Variants in DOK7 observed in about 807,000 individuals in gnomAD.
DOK7 encodes the protein docking protein 7.
In DOK7, 32 loss-of-function variants were observed where a neutral mutation model predicts 30.7. The observed-to-expected ratio is 1.04, with a 90% CI of 0.79 to 1.40. The LOEUF (loss-of-function observed/expected upper bound fraction) is 1.40, where lower values mean the gene tolerates loss of function less well. Among genes scored for constraint, DOK7 ranks in the 40% most tolerant of loss-of-function variants. The pLI, the probability that DOK7 is intolerant of heterozygous loss-of-function variation, is 0.00. For synonymous variants in DOK7, 447 were observed against 324.1 expected (o/e 1.38, Z -4.07); for missense variants, 1,007 against 699.2 (o/e 1.44, Z -4.97).
At chr4:3,474,087 T>A (rs1004217084) in intron 3 of DOK7, among the ~76,000 whole-genome samples, 2 of 152,008 alleles carry the variant, frequency 1.3e-5, no homozygotes, top group Non-Finnish European at 2.9e-5. Context: ...AGTGCTCCCC[T>A]GTGGAACTGG....
chr4:3,490,113 T>TTCATTCCTTTCTTCACCCCC (rs1560225753), intron 6 of DOK7, among the ~76,000 whole-genome samples: 5 of 48,154 alleles, frequency 1.0e-4, no homozygotes, highest in African/African-American at 4.0e-4. Context: ...TTCACCCCCA[T>TTCATTCCTTTCTTCACCCCC]TCATTCCTTT....
chr4:3,493,600 T>C lies in DOK7; in HGVS notation c.*99T>C. 2 of 1,532,686 alleles carry C rather than the reference T, an allele frequency of 1.3e-6. No homozygotes were observed. The highest frequency in any genetic ancestry group is 1.8e-6 in the Non-Finnish European group (2 of 1,137,476). 94.9% of individuals were successfully genotyped at this position (1,532,686 alleles called of 1,614,324 possible). On this transcript the variant is annotated 3_prime_UTR_variant, in exon 7 of 7. Coordinates refer to ENST00000340083, the MANE Select transcript of DOK7 (RefSeq NM_173660.5). ...CTCCTTGCAGACTGGTGCTCTGTGT[T>C]CTGTGGGAGGGACCGGGGGTCTCCC...
chr4:3,493,996 C>T lies in DOK7; in HGVS notation c.*495C>T. The T allele has an allele frequency of 1.0e-6, 1 of 973,072 alleles. No individual in the cohort carries two copies. Among genetic ancestry groups the T allele is most frequent in the Non-Finnish European group, 1.2e-6 (1 of 828,582 alleles). The allele number at this position is 973,072 out of a possible 1,614,324, so 60.3% of individuals were successfully genotyped here. The stretch of plus-strand genomic sequence containing the variant: ...CACCTGGGCTCCACCAGCCCAGCCC[C>T]CCTGGGCTCCGTGTGCGCTGGGCCT... On this transcript the variant is annotated 3_prime_UTR_variant, in exon 7 of 7. Transcript: ENST00000340083.
intron 4 of DOK7, among the ~76,000 whole-genome samples, chr4:3,480,137 C>G (rs923196303): frequency 1.3e-5 from 2 of 152,148 alleles, no homozygotes; most frequent in African/African-American, 4.8e-5. Flanking sequence ...GCTTTGGAGG[C>G]GCAGGGGGAC....
chr4:3,496,575 G>T (rs528504249), downstream of DOK7, among the ~76,000 whole-genome samples: 3 of 152,328 alleles, frequency 2.0e-5, no homozygotes, highest in South Asian at 2.1e-4. Flanking sequence ...CCCCATGGGT[G>T]GTTATGGGGG....
In DOK7 at chr4:3,500,769, C is replaced by T. The variant is rs760913022; in HGVS notation, c.1339C>T (p.Arg447Trp). Residue 447 changes from arginine (R) to tryptophan (W), a missense_variant, in exon 8 of 8, where the codon CGG (arginine) becomes TGG (tryptophan). Transcript: ENST00000643608. ...GCACAGAGTGGGGGTGCGGCACGCA[C>T]GGGCCCGGGAGGAGCAGCTGTCGGA... 67 of 1,534,650 alleles carry T rather than the reference C, an allele frequency of 4.4e-5. No homozygotes were observed. In the South Asian group the frequency reaches 5.8e-4, roughly 13 times the overall value.
At chr4:3,491,205 CCCTGCTCATTCCTTCCTT>C (rs1221974591) in intron 6 of DOK7, among the ~76,000 whole-genome samples, 8 of 41,592 alleles carry the variant, frequency 1.9e-4, no homozygotes, top group Non-Finnish European at 2.2e-4. Flanking sequence ...ATTCCTTCCC[CCCTGCTCATTCCTTCCTT>C]CTCCCGCTGC....
At chr4:3,467,449 A>ACCCCCCCCC (rs796674033) in intron 2 of DOK7, among the ~76,000 whole-genome samples, 1 of 78,280 alleles carries the variant, frequency 1.3e-5, no homozygotes, top group African/African-American at 4.4e-5. Context: ...TCCAGGGAAG[A>ACCCCCCCCC]CCCCCCCCCC....
At chr4:3,478,776 C>T (rs1727271749) in intron 4 of DOK7, among the ~76,000 whole-genome samples, 1 of 152,188 alleles carries the variant, frequency 6.6e-6, no homozygotes, top group African/African-American at 2.4e-5. Flanking sequence ...TCCCTGTCCC[C>T]AGCAGGCCCT....
At chr4:3,472,550 C>G (rs1030987325) in intron 2 of DOK7, among the ~76,000 whole-genome samples, 53 of 152,356 alleles carry the variant, frequency 3.5e-4, no homozygotes, top group African/African-American at 1.3e-3. Context: ...GTCCTCTCTG[C>G]TCTCTCAGGC....
In DOK7 at chr4:3,493,432, G is replaced by C; in HGVS notation, c.1446G>C (p.Ala482=). 6.2e-7 allele frequency: 1 copy of C among 1,604,598 alleles called. No homozygotes were observed. Among genetic ancestry groups the C allele is most frequent in the Non-Finnish European group, 8.5e-7 (1 of 1,176,010 alleles). The change falls in exon 7 of 7, where the codon GCG becomes GCC. Residue 482 remains alanine (A), a synonymous_variant. Transcript: ENST00000340083. ...GEPWEAGGPH[A]GPPPAFFSAC... ...CCTGGGAAGCAGGCGGCCCCCACGC[G>C]GGGCCACCCCCGGCTTTCTTTTCGG...
chr4:3,493,813 T>C lies in DOK7; in HGVS notation c.*312T>C. ...AGGTGAGTGCTGCACCTCTGTTGGC[T>C]CGTGCCTTGCACTGGGGTGCCAAGG... On this transcript the variant is annotated 3_prime_UTR_variant, in exon 7 of 7. Transcript: ENST00000340083. The C allele has an allele frequency of 7.8e-7, 1 of 1,274,750 alleles. No homozygotes were observed. The highest frequency in any genetic ancestry group is 9.9e-7 in the Non-Finnish European group (1 of 1,009,610). 79.0% of individuals were successfully genotyped at this position (1,274,750 alleles called of 1,614,324 possible).
chr4:3,483,183 TGGAGATGTAGGGGTGTGGAGGGTGGGGAC>T, intron 4 of DOK7, among the ~76,000 whole-genome samples: 1 of 5,396 alleles, frequency 1.9e-4, no homozygotes, highest in African/African-American at 1.0e-3. Flanking sequence ...GCCTCCTGAG[TGGAGATGTAGGGGTGTGGAGGGTGGGGAC>T]GGCAGCCTCC....
At chr4:3,465,139 G>T (rs186605977) in intron 2 of DOK7, among the ~76,000 whole-genome samples, 2 of 152,148 alleles carry the variant, frequency 1.3e-5, no homozygotes, top group Non-Finnish European at 2.9e-5. Context: ...TTCTGTGTTG[G>T]TCACTCCAGC....
intron 2 of DOK7, among the ~76,000 whole-genome samples, chr4:3,468,048 G>C (rs1726413238): frequency 6.6e-6 from 1 of 152,244 alleles, no homozygotes; most frequent in Non-Finnish European, 1.5e-5. Flanking sequence ...CCAGCACTGA[G>C]TGCATGAGTG....
rs549674318 is a variant in DOK7, at chr4:3,493,817, G to A, written c.*316G>A. 6 of 1,264,398 alleles carry A rather than the reference G, an allele frequency of 4.7e-6. No individual in the cohort carries two copies. The highest frequency in any genetic ancestry group is 7.9e-5 in the Admixed American group (2 of 25,174). 78.3% of individuals were successfully genotyped at this position (1,264,398 alleles called of 1,614,324 possible). ...GAGTGCTGCACCTCTGTTGGCTCGT[G>A]CCTTGCACTGGGGTGCCAAGGGCTG... On this transcript the variant is annotated 3_prime_UTR_variant, in exon 7 of 7. Transcript: ENST00000340083.
chr4:3,473,366 C>A, intron 2 of DOK7, 40 bp from the exon 3 acceptor site: 2 of 1,598,352 alleles, frequency 1.3e-6, no homozygotes, highest in Non-Finnish European at 1.7e-6. Flanking sequence ...TGCGGGCAGG[C>A]GGTGTTGGCT....
Position 3,493,337 on chromosome 4 carries a change from C to T in DOK7, c.1351C>T (p.Arg451Trp), listed in dbSNP as rs16844470. The T allele has an allele frequency of 3.3e-3, 5,217 of 1,600,082 alleles. 79 individuals are homozygous for T. The African/African-American group carries it at 0.042, about 13-fold the overall frequency. The change falls in exon 7 of 7, where the codon CGG becomes TGG. Residue 451 changes from arginine (R) to tryptophan (W), a missense_variant. Coordinates refer to ENST00000340083, the MANE Select transcript of DOK7 (RefSeq NM_173660.5). Reference sequence around the variant, plus strand: ...TCCCTCTGGCTGGCTGGGCACGAGACGGCGGGGCCTGGTGATGGAGGCCCC... The same window carrying T: ...TCCCTCTGGCTGGCTGGGCACGAGATGGCGGGGCCTGGTGATGGAGGCCCC... ...GCPSGWLGTR[R>W]RGLVMEAPQG...
At chr4:3,464,262 C>G (rs902081431) in intron 2 of DOK7, among the ~76,000 whole-genome samples, 2 of 152,176 alleles carry the variant, frequency 1.3e-5, no homozygotes, top group Non-Finnish European at 2.9e-5. Flanking sequence ...GGGGGCTGTA[C>G]GCCAGGGGGC....
Sources: gnomAD v4.1 joint callset for allele counts (sites outside exome capture counted in the v4.1 genomes callset) on GRCh38, gnomAD v4.1.1 for gene constraint, MANE v1.5 for transcripts, NCBI Gene and HGNC (gene_info 2026-07-23, HGNC 2026-07-21) for gene names.